The following LRRTM4 variants were observed in gnomAD, a reference collection of about 807,000 sequenced individuals.
LRRTM4 encodes the protein leucine rich repeat transmembrane neuronal 4, also known as leucine-rich repeat transmembrane neuronal protein 4.
A neutral mutation model predicts 47.6 loss-of-function variants in LRRTM4; 25 were observed. That is an observed-to-expected ratio of 0.53 (90% CI 0.38 to 0.73). The LOEUF (loss-of-function observed/expected upper bound fraction) is 0.73. Ranked by LOEUF, LRRTM4 falls within the 30% of genes least tolerant of loss-of-function variation. The probability of loss-of-function intolerance (pLI) is 0.00; values close to 1 mark genes in which losing one functional copy is unlikely to be tolerated. For synonymous variants in LRRTM4, 311 were observed against 269.5 expected, an observed-to-expected ratio of 1.15 and a Z score of -1.51; for missense variants, 638 against 713.4, an observed-to-expected ratio of 0.89 and a Z score of 1.20.
intron 3 of LRRTM4, among the ~76,000 whole-genome samples, chr2:76,779,829 G>A (rs560276090): frequency 4.6e-4 from 70 of 152,104 alleles, no homozygotes; most frequent in Middle Eastern, 3.4e-3. Context: ...TATTTTGCTC[G>A]TTAGTTGATG....
chr2:77,471,977 A>G (rs562156098), intron 3 of LRRTM4, among the ~76,000 whole-genome samples: 3 of 152,194 alleles, frequency 2.0e-5, no homozygotes, highest in Non-Finnish European at 2.9e-5. Context: ...ATCATTCATA[A>G]GCCTGCATAG....
intron 3 of LRRTM4, among the ~76,000 whole-genome samples, chr2:76,977,483 CTA>C (rs1203112123): frequency 6.6e-6 from 1 of 151,816 alleles, no homozygotes; most frequent in Non-Finnish European, 1.5e-5. Flanking sequence ...CAATATGAAA[CTA>C]AAATTTCTGA....
In LRRTM4 at chr2:77,482,764, T is replaced by A. The variant is rs182256389; in HGVS notation, c.1551+35554A>T. 1.4e-4 allele frequency among the ~76,000 whole-genome samples: 22 copies of A among 152,290 alleles called. No homozygotes were observed. The East Asian group carries it at 4.2e-3, about 29-fold the overall frequency. On this transcript the variant is annotated intron_variant, in intron 3 of 3. Coordinates refer to ENST00000409884, the MANE Select transcript of LRRTM4 (RefSeq NM_001134745.3). ...TTCATTTATTAGGTAAGCTAACTAG[T>A]ATTAACTGAAAAACAGTAAAACTTA...
At chr2:77,001,707 T>G (rs1465220602) in intron 3 of LRRTM4, among the ~76,000 whole-genome samples, 1 of 152,126 alleles carries the variant, frequency 6.6e-6, no homozygotes, top group African/African-American at 2.4e-5. Context: ...AAAACTCAAT[T>G]GCGAGAGACA....
chr2:77,207,547 G>A (rs1242952034), intron 3 of LRRTM4, among the ~76,000 whole-genome samples: 1 of 151,472 alleles, frequency 6.6e-6, no homozygotes, highest in Non-Finnish European at 1.5e-5. Context: ...ATTGTTCATT[G>A]CAGAGTTGAG....
Position 76,797,044 on chromosome 2 carries a change from G to A in LRRTM4, c.1552-48128C>T, listed in dbSNP as rs558442622. 4.4e-4 allele frequency among the ~76,000 whole-genome samples: 67 copies of A among 152,230 alleles called. 1 individual carries two copies. In the South Asian group the frequency reaches 0.014, roughly 32 times the overall value. ...CAAACAAGTTGGAAAACACTCTGCAGGATATTATCCAGGAGAACTTCCCCA... is the reference window on the plus strand; with the variant it reads ...CAAACAAGTTGGAAAACACTCTGCAAGATATTATCCAGGAGAACTTCCCCA... On this transcript the variant is annotated intron_variant, in intron 3 of 3. Transcript: ENST00000409884.
chr2:77,291,020 A>G (rs1573203430), intron 3 of LRRTM4, among the ~76,000 whole-genome samples: 1 of 151,908 alleles, frequency 6.6e-6, no homozygotes, highest in African/African-American at 2.4e-5. Flanking sequence ...CCTACAGATA[A>G]CCTCCATATT....
chr2:76,925,768 T>C (rs908587703), intron 3 of LRRTM4, among the ~76,000 whole-genome samples: 3 of 152,148 alleles, frequency 2.0e-5, no homozygotes, highest in African/African-American at 4.8e-5. Flanking sequence ...TGGTTTTTAC[T>C]ATGCAATTTT....
chr2:77,410,178 G>T (rs764784202), intron 3 of LRRTM4, among the ~76,000 whole-genome samples: 3 of 152,022 alleles, frequency 2.0e-5, no homozygotes, highest in Non-Finnish European at 4.4e-5. Flanking sequence ...ATAAAGAAGA[G>T]AAATCTACAG....
At chr2:77,034,676 G>A (rs1442871913) in intron 3 of LRRTM4, among the ~76,000 whole-genome samples, 1 of 151,840 alleles carries the variant, frequency 6.6e-6, no homozygotes, top group African/African-American at 2.4e-5. Context: ...TGTTTAGATT[G>A]AGGTTTGATC....
rs75581655 is a variant in LRRTM4 at position 77,251,376 on chromosome 2, C to T, written c.1551+266942G>A. ...TTTTTAAGCTCAGCAGAGAGGATTGCTAGGAGTTCCAGGGAAATGGAGGAA... is the reference window on the plus strand; with the variant it reads ...TTTTTAAGCTCAGCAGAGAGGATTGTTAGGAGTTCCAGGGAAATGGAGGAA... On this transcript the variant is annotated intron_variant, in intron 3 of 3. Coordinates refer to ENST00000409884, the MANE Select transcript of LRRTM4 (RefSeq NM_001134745.3). Among the ~76,000 whole-genome samples the T allele has an allele frequency of 6.1e-4, 92 of 151,456 alleles. No individual in the cohort carries two copies. The East Asian group carries it at 0.018, about 29-fold the overall frequency.
At chr2:77,086,276 T>G (rs1680709393) in intron 3 of LRRTM4, among the ~76,000 whole-genome samples, 1 of 152,142 alleles carries the variant, frequency 6.6e-6, no homozygotes, top group South Asian at 2.1e-4. Context: ...TCACAACTGG[T>G]TCAGGTCTAA....
intron 3 of LRRTM4, among the ~76,000 whole-genome samples, chr2:76,944,939 G>C (rs1558754475): frequency 6.6e-6 from 1 of 152,158 alleles, no homozygotes; most frequent in East Asian, 1.9e-4. Flanking sequence ...AGATGACAGA[G>C]CTTCCTTGGG....
At chr2:77,133,398 A>G (rs1450073960) in intron 3 of LRRTM4, among the ~76,000 whole-genome samples, 1 of 152,196 alleles carries the variant, frequency 6.6e-6, no homozygotes, top group East Asian at 1.9e-4. Context: ...TGCTAGTCAT[A>G]TCTGCAGATA....
chr2:76,897,623 T>C (rs982937839), intron 3 of LRRTM4, among the ~76,000 whole-genome samples: 2 of 152,178 alleles, frequency 1.3e-5, no homozygotes, highest in African/African-American at 4.8e-5. Context: ...GTTATAGCTG[T>C]TGTCATGCCT....
chr2:77,123,606 G>A (rs1232256691), intron 3 of LRRTM4, among the ~76,000 whole-genome samples: 4 of 151,752 alleles, frequency 2.6e-5, no homozygotes, highest in East Asian at 1.9e-4. Flanking sequence ...GAAAAAAATC[G>A]CTTTTTTGAG....
intron 3 of LRRTM4, among the ~76,000 whole-genome samples, chr2:77,298,645 G>T (rs538193186): frequency 3.1e-4 from 47 of 152,280 alleles, no homozygotes; most frequent in Non-Finnish European, 5.7e-4. Context: ...CCCTGCCAGA[G>T]ATGAAAAGTA....
chr2:77,295,097 C>A (rs1212095252), intron 3 of LRRTM4, among the ~76,000 whole-genome samples: 1 of 152,132 alleles, frequency 6.6e-6, no homozygotes, highest in Non-Finnish European at 1.5e-5. Flanking sequence ...CATTTCTAGC[C>A]ATAGTGCTTA....
intron 3 of LRRTM4, among the ~76,000 whole-genome samples, chr2:77,346,499 A>G (rs1024047724): frequency 1.3e-5 from 2 of 152,122 alleles, no homozygotes; most frequent in African/African-American, 4.8e-5. Context: ...ATGTACTTAC[A>G]TGGGGACATG....
Sources: allele counts gnomAD v4.1 joint callset (sites outside exome capture counted in the v4.1 genomes callset), GRCh38; gene constraint gnomAD v4.1.1; transcripts MANE v1.5; gene names NCBI Gene and HGNC (gene_info 2026-07-23, HGNC 2026-07-21).